The following BCAS3 variants were observed in gnomAD, a reference collection of about 807,000 sequenced individuals.
BCAS3 encodes the protein BCAS4/BCAS3 fusion.
Under a neutral mutation model 116.1 loss-of-function variants are expected in BCAS3, and 53 were observed. That is an observed-to-expected ratio of 0.46 (90% CI 0.37 to 0.57). The LOEUF is 0.57. BCAS3 is among the 20% of genes least tolerant of loss of function. The pLI is 0.00. For synonymous variants in BCAS3, 391 were observed against 408.2 expected (o/e 0.96, Z 0.51); for missense variants, 917 against 1,165.4 (o/e 0.79, Z 3.10).
chr17:61,079,786 G>A (rs1173914736), intron 21 of BCAS3, among the ~76,000 whole-genome samples: 2 of 151,700 alleles, frequency 1.3e-5, no homozygotes, highest in Non-Finnish European at 2.9e-5. Context: ...AGTAGAGACG[G>A]GGTTTCAACA....
chr17:61,006,798 T>G (rs1277487502), intron 15 of BCAS3, among the ~76,000 whole-genome samples: 2 of 151,998 alleles, frequency 1.3e-5, no homozygotes, highest in Non-Finnish European at 2.9e-5. Context: ...AGGCTTAAGG[T>G]CAAAGATCTT....
At chr17:61,067,726 CAAAA>C (rs377228440) in intron 19 of BCAS3, among the ~76,000 whole-genome samples, 10 of 108,982 alleles carry the variant, frequency 9.2e-5, no homozygotes, top group African/African-American at 3.4e-4. Context: ...AACAAACAAA[CAAAA>C]AAAAAAAAAA....
chr17:60,861,877 G>A (rs2054188614), intron 7 of BCAS3, among the ~76,000 whole-genome samples: 1 of 152,152 alleles, frequency 6.6e-6, no homozygotes, highest in South Asian at 2.1e-4. Context: ...GTGTGCTGCT[G>A]GATTTGATTT....
At chr17:61,254,868 A>C (rs2048668551) in intron 22 of BCAS3, among the ~76,000 whole-genome samples, 1 of 151,836 alleles carries the variant, frequency 6.6e-6, no homozygotes, top group South Asian at 2.1e-4. Context: ...ATCCTGACCA[A>C]GAACAATACA....
chr17:61,381,042 C>A lies in BCAS3; in HGVS notation c.2594-10935C>A, dbSNP rs879706742. Among the ~76,000 whole-genome samples, 12 of 152,188 alleles carry A rather than the reference C, an allele frequency of 7.9e-5. No homozygotes were observed. Among genetic ancestry groups the A allele is most frequent in the South Asian group, 2.1e-4 (1 of 4,834 alleles). ...CCGACTCCTGGCCACTTGTTGTCTG[C>A]GCTTGTCTGTCCATTTATACAACCT... On this transcript the variant is annotated intron_variant, in intron 23 of 23. Coordinates refer to ENST00000407086, the MANE Select transcript of BCAS3 (RefSeq NM_017679.5). The surrounding 1 kb of genome is among the most constrained non-coding windows in gnomAD (Gnocchi z 6.0).
chr17:61,279,080 G>A lies in BCAS3; in HGVS notation c.2426-89247G>A, dbSNP rs542485478. On this transcript the variant is annotated intron_variant, in intron 22 of 23. Coordinates refer to ENST00000407086, the MANE Select transcript of BCAS3 (RefSeq NM_017679.5). The surrounding 1 kb of genome is among the most constrained non-coding windows in gnomAD (Gnocchi z 4.4). ...TCCTGCCTCAGCCTCTTGAGTAGCT[G>A]GGATTACAGGCATGTGCCACCATGC... Among the ~76,000 whole-genome samples the A allele has an allele frequency of 2.7e-3, 418 of 152,004 alleles. No individual in the cohort carries two copies. Among genetic ancestry groups the A allele is most frequent in the Non-Finnish European group, 4.8e-3 (327 of 67,984 alleles).
At chr17:60,693,474 A>G (rs995861217) in intron 4 of BCAS3, among the ~76,000 whole-genome samples, 1 of 150,736 alleles carries the variant, frequency 6.6e-6, no homozygotes, top group Non-Finnish European at 1.5e-5. Context: ...AGTGGCCTGA[A>G]CTTGAACTTG....
chr17:61,026,749 A>G lies in BCAS3; in HGVS notation c.1638-7917A>G, dbSNP rs1345797091. ...ATGTACAGCAGAATTGTAAATGATT[A>G]CTAATTTTTTAGTTATTTTTATCCA... On this transcript the variant is annotated intron_variant, in intron 16 of 23. Transcript: ENST00000407086. This position sits in a 1 kb window ranked among gnomAD's most constrained non-coding sequence, Gnocchi z 5.0. The G allele has an allele frequency of 1.1e-6, 1 of 931,150 alleles. No homozygotes were observed. The highest frequency in any genetic ancestry group is 1.7e-6 in the Non-Finnish European group (1 of 593,030). 57.7% of individuals were successfully genotyped at this position (931,150 alleles called of 1,614,324 possible). A position where few individuals can be genotyped will look rare whatever the true frequency, so the allele number is the denominator to read the frequency against.
Position 61,391,004 on chromosome 17 carries a change from G to T in BCAS3, c.2594-973G>T, listed in dbSNP as rs1291051977. Reference sequence around the variant, plus strand: ...TATGTCAGAGCCCCCGGGGGAGACTGAAAGGGAATCGGAACTGACCACCTT... The same window carrying T: ...TATGTCAGAGCCCCCGGGGGAGACTTAAAGGGAATCGGAACTGACCACCTT... On this transcript the variant is annotated intron_variant, in intron 23 of 23. Coordinates refer to ENST00000407086, the MANE Select transcript of BCAS3 (RefSeq NM_017679.5). This position sits in a 1 kb window ranked among gnomAD's most constrained non-coding sequence, Gnocchi z 7.7. 2.6e-5 allele frequency: 4 copies of T among 152,234 alleles called. No homozygotes were observed. Among genetic ancestry groups the T allele is most frequent in the African/African-American group, 9.6e-5 (4 of 41,452 alleles). The allele number at this position is 152,234 out of a possible 1,614,324, so 9.4% of individuals were successfully genotyped here.
chr17:61,171,512 A>T lies in BCAS3; in HGVS notation c.2425+86948A>T, dbSNP rs1290932027. ...AAAGACAGGAAATGTAAGATTGGAT[A>T]AAAAAGGCAAGAATCACCTACATCT... On this transcript the variant is annotated intron_variant, in intron 22 of 23. Coordinates refer to ENST00000407086, the MANE Select transcript of BCAS3 (RefSeq NM_017679.5). The surrounding 1 kb of genome is among the most constrained non-coding windows in gnomAD (Gnocchi z 4.1). Among the ~76,000 whole-genome samples, 2 of 152,016 alleles carry T rather than the reference A, an allele frequency of 1.3e-5. No homozygotes were observed. Among genetic ancestry groups the T allele is most frequent in the Admixed American group, 6.5e-5 (1 of 15,280 alleles).
intron 22 of BCAS3, among the ~76,000 whole-genome samples, chr17:61,210,123 T>C (rs759561361): frequency 9.2e-5 from 14 of 152,200 alleles, no homozygotes; most frequent in Admixed American, 2.6e-4. Flanking sequence ...ATTCCATCAG[T>C]TGTAGAGGGA....
chr17:60,979,673 A>G (rs2062661895), intron 14 of BCAS3, among the ~76,000 whole-genome samples: 2 of 151,552 alleles, frequency 1.3e-5, no homozygotes, highest in African/African-American at 4.9e-5. Flanking sequence ...ACGTCCCATC[A>G]ATACCTAACT....
chr17:61,264,726 A>G (rs534200066), intron 22 of BCAS3, among the ~76,000 whole-genome samples: 2 of 152,330 alleles, frequency 1.3e-5, no homozygotes, highest in South Asian at 2.1e-4. Context: ...AAGCCTTAAA[A>G]ACATATTGAG....
intron 7 of BCAS3, among the ~76,000 whole-genome samples, chr17:60,867,645 T>A (rs2054731385): frequency 6.6e-6 from 1 of 152,300 alleles, no homozygotes; most frequent in Admixed American, 6.5e-5. Flanking sequence ...TTATTATGAA[T>A]TTGCCTCTGT....
rs572465927 is a variant in BCAS3 at position 61,281,537 on chromosome 17, T to G, written c.2426-86790T>G. Among the ~76,000 whole-genome samples the G allele has an allele frequency of 1.3e-5, 2 of 152,320 alleles. No homozygotes were observed. The highest frequency in any genetic ancestry group is 4.8e-5 in the African/African-American group (2 of 41,574). ...TTTGGTCTCTGCAAATCAGATTCAA[T>G]GTGTCATTTTATTGTAATTTAAATT... is the stretch of plus-strand genomic sequence containing the variant. On this transcript the variant is annotated intron_variant, in intron 22 of 23. Coordinates refer to ENST00000407086, the MANE Select transcript of BCAS3 (RefSeq NM_017679.5). The surrounding 1 kb of genome is among the most constrained non-coding windows in gnomAD (Gnocchi z 4.2).
intron 13 of BCAS3, among the ~76,000 whole-genome samples, chr17:60,942,016 A>G (rs1444718695): frequency 6.6e-6 from 1 of 152,168 alleles, no homozygotes; most frequent in African/African-American, 2.4e-5. Context: ...AGGTGGAGTC[A>G]GAAGATAGTA....
chr17:60,786,981 C>T (rs1368276627), intron 6 of BCAS3, among the ~76,000 whole-genome samples: 2 of 152,074 alleles, frequency 1.3e-5, no homozygotes, highest in South Asian at 2.1e-4. Flanking sequence ...TAATAAACAC[C>T]TACATATCCT....
At chr17:61,331,852 T>TGATGAC (rs1318501230) in intron 22 of BCAS3, among the ~76,000 whole-genome samples, 1 of 151,908 alleles carries the variant, frequency 6.6e-6, no homozygotes, top group Non-Finnish European at 1.5e-5. Context: ...TGGCCTGAGG[T>TGATGAC]GATGACCTGC....
At chr17:60,904,920 C>T (rs1334796342) in intron 11 of BCAS3, among the ~76,000 whole-genome samples, 1 of 152,066 alleles carries the variant, frequency 6.6e-6, no homozygotes, top group Non-Finnish European at 1.5e-5. Flanking sequence ...TAAACAATGG[C>T]AATATTACAA....
Sources: allele counts gnomAD v4.1 joint callset (sites outside exome capture counted in the v4.1 genomes callset), GRCh38; gene constraint gnomAD v4.1.1; non-coding constraint Gnocchi (gnomAD v3.1); transcripts MANE v1.5; gene names NCBI Gene and HGNC (gene_info 2026-07-23, HGNC 2026-07-21).